HGF: variants seen among roughly 807,000 people sequenced by gnomAD.
The protein encoded by HGF is fibroblast-derived tumor cytotoxic factor.
Under a neutral mutation model 111.6 loss-of-function variants are expected in HGF, and 39 were observed. The ratio of observed to expected loss-of-function variants is 0.35; its 90% confidence interval spans 0.27 to 0.46. HGF has a LOEUF of 0.46. HGF is among the 20% of genes least tolerant of loss of function. The pLI, the probability that HGF is intolerant of heterozygous loss-of-function variation, is 1.00. For missense variants in HGF, 735 were observed against 910.5 expected (o/e 0.81, Z 2.48); for synonymous variants, 285 against 294.8 (o/e 0.97, Z 0.34).
chr7:81,707,422 T>C, intron 13 of HGF, 58 bp from the exon 14 acceptor site: 1 of 969,288 alleles, frequency 1.0e-6, no homozygotes, highest in Non-Finnish European at 1.7e-6. Context: ...TGACTGCCAA[T>C]TAATGCAAAG....
intron 13 of HGF, among the ~76,000 whole-genome samples, chr7:81,708,524 CTTTTTTTTTTTT>C (rs3081099): frequency 1.2e-4 from 9 of 72,472 alleles, no homozygotes; most frequent in East Asian, 4.4e-4. Flanking sequence ...TTCCTTCCTT[CTTTTTTTTTTTT>C]TTTTTTTTTT....
chr7:81,705,893 G>A lies in HGF; in HGVS notation c.1758-140C>T, dbSNP rs1487317425. On this transcript the variant is annotated intron_variant, in intron 15 of 17. Coordinates refer to ENST00000222390, the MANE Select transcript of HGF (RefSeq NM_000601.6). The stretch of plus-strand genomic sequence containing the variant: ...CTTAAAAAAAAAAAAAAAAAGGTGG[G>A]AATGTCCAAATGTAATGATGACATT... The A allele has an allele frequency of 6.2e-6, 4 of 648,372 alleles. No homozygotes were observed. In the East Asian group the frequency reaches 1.1e-4, roughly 18 times the overall value. The allele number at this position is 648,372 out of a possible 1,614,324, so 40.2% of individuals were successfully genotyped here.
chr7:81,718,027 T>A (rs1789759195), intron 10 of HGF, among the ~76,000 whole-genome samples: 2 of 152,178 alleles, frequency 1.3e-5, no homozygotes, highest in African/African-American at 4.8e-5. Context: ...GTAACATCAA[T>A]ATTTACATTT....
At chr7:81,745,740 G>A (rs140798329) in intron 5 of HGF, among the ~76,000 whole-genome samples, 224 of 152,290 alleles carry the variant, frequency 1.5e-3, no homozygotes, top group Middle Eastern at 3.4e-3. Context: ...TTCCTGTCTG[G>A]CTTAGGATAG....
At chr7:81,727,257 A>G (rs1200480677) in intron 8 of HGF, among the ~76,000 whole-genome samples, 8 of 150,652 alleles carry the variant, frequency 5.3e-5, no homozygotes, top group African/African-American at 9.8e-5. Flanking sequence ...GTTAGCCAGG[A>G]TGGTCTCAAT....
At position 81,769,900 on chromosome 7, in the gene HGF, G is replaced by A. The variant is rs1288275989; in HGVS notation, c.72C>T (p.Ile24=). 2 of 1,567,130 alleles carry A rather than the reference G, an allele frequency of 1.3e-6. No homozygotes were observed. Among genetic ancestry groups the A allele is most frequent in the Non-Finnish European group, 1.7e-6 (2 of 1,154,946 alleles). The change falls in exon 1 of 18, where the codon ATC becomes ATT. Residue 24 remains isoleucine, a synonymous_variant. Transcript: ENST00000222390. ...GGAACTAACCTGCATAGGGGATGGC[G>A]ATGGGGAGCAGGAGGAGATGCAGGA... is the stretch of plus-strand genomic sequence containing the variant. ...HVLLHLLLLP[I]AIPYAEGQRK...
chr7:81,743,527 C>A, intron 6 of HGF, 56 bp from the exon 7 acceptor site: 2 of 1,058,150 alleles, frequency 1.9e-6, no homozygotes, highest in South Asian at 2.5e-5. Flanking sequence ...CACCACCCAC[C>A]CCTCAGCTCA....
chr7:81,750,939 A>G, intron 5 of HGF: 2 of 920,866 alleles, frequency 2.2e-6, no homozygotes, highest in Non-Finnish European at 2.6e-6. Flanking sequence ...AGAAAAGAAA[A>G]CAATGAAGAG....
intron 11 of HGF, among the ~76,000 whole-genome samples, chr7:81,716,688 T>C (rs1392053235): frequency 6.6e-6 from 1 of 152,200 alleles, no homozygotes; most frequent in Non-Finnish European, 1.5e-5. Context: ...ATGTTTTTTA[T>C]ATAACTTTTA....
intron 7 of HGF, among the ~76,000 whole-genome samples, chr7:81,737,302 A>T (rs1214167406): frequency 6.6e-6 from 1 of 152,076 alleles, no homozygotes; most frequent in African/African-American, 2.4e-5. Flanking sequence ...AAAGATAATC[A>T]ATAAGAGAAG....
rs1396522967 is a variant in HGF at position 81,702,596 on chromosome 7, C to A, written c.2172G>T (p.Lys724Asn). ...CTTACTTCAGCTATGACTGTGGTACCTTATATGTTAAAATAATTTTGTGTA... is the reference window on the plus strand; with the variant it reads ...CTTACTTCAGCTATGACTGTGGTACATTATATGTTAAAATAATTTTGTGTA... ...KWIHKIILTYKVPQS is the reference protein window; with the variant it reads ...KWIHKIILTYNVPQS Residue 724 changes from lysine (K) to asparagine (N), a missense_variant, in exon 18 of 18, where the codon AAG becomes AAT. Transcript: ENST00000222390. 6.2e-7 allele frequency: 1 copy of A among 1,610,314 alleles called. No individual in the cohort carries two copies. The highest frequency in any genetic ancestry group is 1.3e-5 in the African/African-American group (1 of 74,662).
chr7:81,744,968 A>T (rs534362356), intron 6 of HGF, 32 bp downstream of exon 6: 2 of 1,611,044 alleles, frequency 1.2e-6, no homozygotes, highest in East Asian at 2.2e-5. Context: ...TTGTAAAAGA[A>T]TCACTGAAAG....
chr7:81,766,607 A>C (rs1222011563), intron 1 of HGF, among the ~76,000 whole-genome samples: 1 of 152,212 alleles, frequency 6.6e-6, no homozygotes. Flanking sequence ...GAGAAGCTGC[A>C]GCATCATCTC....
At chr7:81,743,494 T>C (rs756383290) in intron 6 of HGF, 23 bp from the exon 7 acceptor site, 2 of 1,475,486 alleles carry the variant, frequency 1.4e-6, no homozygotes, top group Non-Finnish European at 1.9e-6. Flanking sequence ...CCAAGAAAAG[T>C]GTCACGTAAA....
At chr7:81,721,759 CTGG>C (rs1789870297) in intron 9 of HGF, among the ~76,000 whole-genome samples, 1 of 152,188 alleles carries the variant, frequency 6.6e-6, no homozygotes, top group Non-Finnish European at 1.5e-5. Flanking sequence ...TGTTCCATCA[CTGG>C]TGATGTGTTT....
chr7:81,743,227 A>G, intron 7 of HGF, 126 bp downstream of exon 7: 1 of 779,816 alleles, frequency 1.3e-6, no homozygotes, highest in East Asian at 2.4e-5. Flanking sequence ...CACATTCTTA[A>G]AATATTAAAA....
chr7:81,712,624 T>C (rs1452993735), intron 11 of HGF, among the ~76,000 whole-genome samples: 1 of 152,190 alleles, frequency 6.6e-6, no homozygotes, highest in Non-Finnish European at 1.5e-5. Context: ...TATGCTGTAA[T>C]GAATGAGACA....
chr7:81,754,478 T>C (rs1788663956), intron 4 of HGF, among the ~76,000 whole-genome samples: 1 of 151,954 alleles, frequency 6.6e-6, no homozygotes, highest in Non-Finnish European at 1.5e-5. Flanking sequence ...AACAATTTAT[T>C]AGGACAAATA....
At chr7:81,711,867 C>T (rs1442736406) in intron 11 of HGF, among the ~76,000 whole-genome samples, 4 of 152,166 alleles carry the variant, frequency 2.6e-5, no homozygotes, top group African/African-American at 9.7e-5. Context: ...TGGTCTCAAA[C>T]TCCTGACCTC....
Sources: gnomAD v4.1 joint callset for allele counts (sites outside exome capture counted in the v4.1 genomes callset) on GRCh38, gnomAD v4.1.1 for gene constraint, MANE v1.5 for transcripts, NCBI Gene and HGNC (gene_info 2026-07-23, HGNC 2026-07-21) for gene names.